WDR59: variants seen among roughly 807,000 people sequenced by gnomAD.
The protein encoded by WDR59 is WD repeat domain 59, also known as GATOR2 complex protein WDR59.
In WDR59, 100 loss-of-function variants were observed where a neutral mutation model predicts 131.2. That is an observed-to-expected ratio of 0.76 (90% CI 0.65 to 0.90). The LOEUF (loss-of-function observed/expected upper bound fraction) is 0.90. Ranked by LOEUF, WDR59 falls within the 40% of genes least tolerant of loss-of-function variation. The pLI is 0.00. For missense variants in WDR59, 1,203 were observed against 1,262.2 expected, an observed-to-expected ratio of 0.95 and a Z score of 0.71; for synonymous variants, 601 against 466.2, an observed-to-expected ratio of 1.29 and a Z score of -3.72.
chr16:74,924,094 G>A, intron 8 of WDR59, 91 bp from the exon 9 acceptor site: 1 of 1,253,106 alleles, frequency 8.0e-7, no homozygotes, highest in East Asian at 2.4e-5. Flanking sequence ...ATTGCTTCTG[G>A]TCCTCTAAAG....
intron 6 of WDR59, among the ~76,000 whole-genome samples, chr16:74,945,410 G>C (rs1308521489): frequency 6.6e-6 from 1 of 151,990 alleles, no homozygotes; most frequent in African/African-American, 2.4e-5. Context: ...CTGGGAGGCA[G>C]AGCTTGCGGT....
At chr16:74,964,765 T>G (rs1351116527) in intron 2 of WDR59, among the ~76,000 whole-genome samples, 1 of 151,900 alleles carries the variant, frequency 6.6e-6, no homozygotes, top group Non-Finnish European at 1.5e-5. Context: ...AAAAAAAAAT[T>G]TTTGGCTGGG....
rs1480058340 is a variant in WDR59, at chr16:74,983,700, G to A, written c.54+1264C>T. On this transcript the variant is annotated intron_variant, in intron 1 of 25. Transcript: ENST00000262144. ...ACATAAAATCTTCACTCGAGGCTGT[G>A]CTCAGTGAATCACACCTGTAATCCC... 3.3e-5 allele frequency among the ~76,000 whole-genome samples: 5 copies of A among 152,032 alleles called. No individual in the cohort carries two copies. In the South Asian group the frequency reaches 1.0e-3, roughly 32 times the overall value.
intron 21 of WDR59, 95 bp downstream of exon 21, chr16:74,889,608 C>T: frequency 1.1e-6 from 1 of 933,394 alleles, no homozygotes; most frequent in South Asian, 1.6e-5. Context: ...TTCCTCGGGC[C>T]TCTGCACCTT....
chr16:74,934,525 A>G (rs546084934), intron 8 of WDR59, among the ~76,000 whole-genome samples: 27 of 152,288 alleles, frequency 1.8e-4, no homozygotes, highest in Admixed American at 9.8e-4. Context: ...TTCTATTTCA[A>G]TCTGATACAG....
At chr16:74,918,685 G>A (rs558116849) in intron 10 of WDR59, among the ~76,000 whole-genome samples, 15 of 152,156 alleles carry the variant, frequency 9.9e-5, no homozygotes, top group African/African-American at 2.4e-4. Flanking sequence ...GGACATTTGC[G>A]GATAATTATG....
intron 1 of WDR59, among the ~76,000 whole-genome samples, chr16:74,981,450 CA>C (rs2034400108): frequency 6.7e-6 from 1 of 149,060 alleles, no homozygotes; most frequent in African/African-American, 2.5e-5. Context: ...CACAGCTACT[CA>C]GGAGACTGAG....
chr16:74,942,414 T>C (rs903530383), intron 7 of WDR59, among the ~76,000 whole-genome samples: 5 of 152,146 alleles, frequency 3.3e-5, no homozygotes, highest in African/African-American at 1.2e-4. Flanking sequence ...TTAACCCCAC[T>C]GACACACACA....
At chr16:74,908,258 A>T (rs1218972167) in intron 17 of WDR59, among the ~76,000 whole-genome samples, 2 of 152,022 alleles carry the variant, frequency 1.3e-5, no homozygotes, top group Admixed American at 6.6e-5. Context: ...CTCTACAAAA[A>T]ATTATAAAAA....
At chr16:74,905,983 G>C (rs1044292622) in intron 17 of WDR59, among the ~76,000 whole-genome samples, 1 of 151,982 alleles carries the variant, frequency 6.6e-6, no homozygotes, top group East Asian at 1.9e-4. Flanking sequence ...GAAGCTGCTC[G>C]ACATCATTCA....
At chr16:74,964,924 C>T (rs1045110337) in intron 2 of WDR59, among the ~76,000 whole-genome samples, 5 of 152,014 alleles carry the variant, frequency 3.3e-5, no homozygotes, top group Admixed American at 2.0e-4. Context: ...ATGAGCTGGG[C>T]GTGGTGGCAC....
chr16:74,967,500 A>G (rs1283521534), intron 1 of WDR59, among the ~76,000 whole-genome samples: 1 of 152,180 alleles, frequency 6.6e-6, no homozygotes, highest in Admixed American at 6.5e-5. Flanking sequence ...TTCACTGAAC[A>G]CAAATCTAGC....
intron 8 of WDR59, among the ~76,000 whole-genome samples, chr16:74,928,173 T>C (rs1273332802): frequency 6.6e-6 from 1 of 150,870 alleles, no homozygotes; most frequent in Non-Finnish European, 1.5e-5. Flanking sequence ...CCCAAAGTGC[T>C]GGGATTACAG....
chr16:74,948,146 G>T (rs1292802076), intron 6 of WDR59, among the ~76,000 whole-genome samples: 1 of 152,196 alleles, frequency 6.6e-6, no homozygotes, highest in Non-Finnish European at 1.5e-5. Flanking sequence ...AATAAAATTG[G>T]ATGTATGATG....
At chr16:74,880,965 A>G (rs970377866) in intron 25 of WDR59, among the ~76,000 whole-genome samples, 2 of 152,252 alleles carry the variant, frequency 1.3e-5, no homozygotes, top group African/African-American at 2.4e-5. Flanking sequence ...CTGAACCAGT[A>G]AACTGTTGAA....
intron 25 of WDR59, among the ~76,000 whole-genome samples, chr16:74,877,426 G>C (rs555165541): frequency 6.6e-6 from 1 of 152,318 alleles, no homozygotes; most frequent in African/African-American, 2.4e-5. Flanking sequence ...TCACTTGACA[G>C]CTGGTTAATT....
rs56771975 is a variant in WDR59, at chr16:74,913,070, TGGGGG to T, written c.1225-713_1225-709del. 4.8e-3 allele frequency among the ~76,000 whole-genome samples: 693 copies of T among 144,350 alleles called. 3 individuals are homozygous for T. Among genetic ancestry groups the T allele is most frequent in the South Asian group, 0.01 (47 of 4,576 alleles). 94.7% of individuals were successfully genotyped at this position (144,350 alleles called of 152,430 possible). On this transcript the variant is annotated intron_variant, in intron 13 of 25. Transcript: ENST00000262144. ...TTGGGGCCAGTTTATGGCTAGATTT[TGGGGG>T]GGGGGGGGGCCTGTTCCCAACATGT...
intron 6 of WDR59, among the ~76,000 whole-genome samples, chr16:74,945,352 C>T (rs1252090233): frequency 6.6e-6 from 1 of 151,728 alleles, no homozygotes; most frequent in Non-Finnish European, 1.5e-5. Flanking sequence ...TGGCGGGCGC[C>T]TGCAGTCCCA....
chr16:74,900,050 G>T (rs1237897315), intron 18 of WDR59, among the ~76,000 whole-genome samples: 2 of 152,138 alleles, frequency 1.3e-5, no homozygotes, highest in East Asian at 3.8e-4. Flanking sequence ...TTCTGACAAA[G>T]GAACTACAAA....
Sources: gnomAD v4.1 joint callset for allele counts (sites outside exome capture counted in the v4.1 genomes callset) on GRCh38, gnomAD v4.1.1 for gene constraint, MANE v1.5 for transcripts, NCBI Gene and HGNC (gene_info 2026-07-23, HGNC 2026-07-21) for gene names.